Variants in MBNL1 observed in about 807,000 individuals in gnomAD.
The protein encoded by MBNL1 is muscleblind-like protein 1.
MBNL1 carries 8 observed loss-of-function variants against 42.2 expected under a neutral mutation model. That is an observed-to-expected ratio of 0.19 (90% CI 0.11 to 0.34). The LOEUF (loss-of-function observed/expected upper bound fraction) is 0.34, where lower values mean the gene tolerates loss of function less well. Ranked by LOEUF, MBNL1 falls within the 10% of genes least tolerant of loss-of-function variation. The pLI, the probability that MBNL1 is intolerant of heterozygous loss-of-function variation, is 1.00. For synonymous variants in MBNL1, 169 were observed against 173.9 expected, an observed-to-expected ratio of 0.97 and a Z score of 0.22; for missense variants, 309 against 495.3, an observed-to-expected ratio of 0.62 and a Z score of 3.57.
chr3:152,370,967 T>C (rs757294681), intron 2 of MBNL1, among the ~76,000 whole-genome samples: 1 of 152,188 alleles, frequency 6.6e-6, no homozygotes, highest in Non-Finnish European at 1.5e-5. Flanking sequence ...CCAGTCTGTG[T>C]CTTTTAACGG....
At chr3:152,375,920 A>G (rs915400283) in intron 2 of MBNL1, among the ~76,000 whole-genome samples, 3 of 152,182 alleles carry the variant, frequency 2.0e-5, no homozygotes, top group African/African-American at 7.2e-5. Context: ...TAAGAATAAG[A>G]TATATCCTTA....
At chr3:152,455,896 C>G (rs1016080509) in intron 7 of MBNL1, among the ~76,000 whole-genome samples, 1 of 152,082 alleles carries the variant, frequency 6.6e-6, no homozygotes, top group South Asian at 2.1e-4. Flanking sequence ...TACTTTCATT[C>G]AAACAGATAA....
intron 2 of MBNL1, among the ~76,000 whole-genome samples, chr3:152,366,127 A>T (rs2153206994): frequency 6.6e-6 from 1 of 152,276 alleles, no homozygotes; most frequent in African/African-American, 2.4e-5. Flanking sequence ...AAAATCAGAA[A>T]AAAAAGAGTA....
At chr3:152,337,889 A>C (rs1157468131) in intron 2 of MBNL1, among the ~76,000 whole-genome samples, 2 of 152,180 alleles carry the variant, frequency 1.3e-5, no homozygotes, top group African/African-American at 4.8e-5. Flanking sequence ...TCAATTTAAA[A>C]ATCAGTTGTT....
At chr3:152,454,394 G>C (rs926437959) in intron 6 of MBNL1, among the ~76,000 whole-genome samples, 1 of 152,074 alleles carries the variant, frequency 6.6e-6, no homozygotes, top group Non-Finnish European at 1.5e-5. Flanking sequence ...ACAAATGTTC[G>C]TCCCAGATGC....
intron 2 of MBNL1, among the ~76,000 whole-genome samples, chr3:152,255,981 T>A (rs904466369): frequency 1.3e-5 from 2 of 151,652 alleles, no homozygotes; most frequent in Non-Finnish European, 1.5e-5. Context: ...GGAGCTGGAG[T>A]TGAGAAAGGG....
At chr3:152,407,864 C>A (rs1231003877) in intron 2 of MBNL1, among the ~76,000 whole-genome samples, 1 of 152,084 alleles carries the variant, frequency 6.6e-6, no homozygotes, top group Non-Finnish European at 1.5e-5. Flanking sequence ...TTTTCCTCAG[C>A]AAACTAATGT....
chr3:152,300,446 G>C, intron 2 of MBNL1, 79 bp downstream of exon 2: 2 of 1,169,360 alleles, frequency 1.7e-6, no homozygotes, highest in South Asian at 1.4e-5. Context: ...TCTGCATATG[G>C]GATTATGGAT....
At chr3:152,328,214 A>G (rs539557090) in intron 2 of MBNL1, among the ~76,000 whole-genome samples, 49 of 152,204 alleles carry the variant, frequency 3.2e-4, no homozygotes, top group African/African-American at 1.1e-3. Flanking sequence ...AGGCTTGTGA[A>G]CGTTTTATAT....
At chr3:152,382,916 G>A (rs1201294643) in intron 2 of MBNL1, among the ~76,000 whole-genome samples, 1 of 151,990 alleles carries the variant, frequency 6.6e-6, no homozygotes, top group African/African-American at 2.4e-5. Context: ...ATGTCTGCCA[G>A]TCACATCTCT....
chr3:152,449,716 A>G (rs1181118957), intron 6 of MBNL1, among the ~76,000 whole-genome samples: 1 of 152,234 alleles, frequency 6.6e-6, no homozygotes, highest in Non-Finnish European at 1.5e-5. Context: ...TTTAAATAAA[A>G]TCTGCATTAA....
At chr3:152,343,758 C>A (rs1168661219) in intron 2 of MBNL1, among the ~76,000 whole-genome samples, 1 of 151,856 alleles carries the variant, frequency 6.6e-6, no homozygotes, top group African/African-American at 2.4e-5. Flanking sequence ...ATAAAGTATT[C>A]CAAATTGTTT....
At chr3:152,454,270 G>A (rs955211923) in intron 6 of MBNL1, among the ~76,000 whole-genome samples, 2 of 152,140 alleles carry the variant, frequency 1.3e-5, no homozygotes, top group South Asian at 2.1e-4. Context: ...CAAACTAATC[G>A]CAGCTGTTAC....
chr3:152,398,581 C>A (rs920661308), intron 2 of MBNL1, among the ~76,000 whole-genome samples: 6 of 152,048 alleles, frequency 3.9e-5, no homozygotes, highest in Non-Finnish European at 7.4e-5. Flanking sequence ...GGATTATTAT[C>A]TAGAGAATGG....
chr3:152,245,583 A>G (rs1462161187), intron 2 of MBNL1, among the ~76,000 whole-genome samples: 1 of 152,190 alleles, frequency 6.6e-6, no homozygotes, highest in Admixed American at 6.6e-5. Context: ...ATGGCTTCCA[A>G]AAAAGAAAGT....
At chr3:152,351,150 T>A (rs181923601) in intron 2 of MBNL1, among the ~76,000 whole-genome samples, 120 of 152,238 alleles carry the variant, frequency 7.9e-4, no homozygotes, top group African/African-American at 2.8e-3. Flanking sequence ...CAGAAGTGGA[T>A]ATATCCAAAG....
chr3:152,458,054 G>T, intron 8 of MBNL1: 1 of 1,189,408 alleles, frequency 8.4e-7, no homozygotes, highest in Non-Finnish European at 1.3e-6. Flanking sequence ...AATGCAGCCT[G>T]CATGCATGCA....
chr3:152,433,974 C>T (rs1196253327), intron 4 of MBNL1, among the ~76,000 whole-genome samples: 5 of 152,114 alleles, frequency 3.3e-5, no homozygotes, highest in South Asian at 2.1e-4. Flanking sequence ...AAGGTACAAA[C>T]GTGTCATTCA....
intron 2 of MBNL1, among the ~76,000 whole-genome samples, chr3:152,320,418 T>C (rs1164019095): frequency 6.6e-6 from 1 of 152,170 alleles, no homozygotes; most frequent in Non-Finnish European, 1.5e-5. Context: ...ATGTTTTGTA[T>C]GTTATCTTGT....
Sources: allele counts gnomAD v4.1 joint callset (sites outside exome capture counted in the v4.1 genomes callset), GRCh38; gene constraint gnomAD v4.1.1; transcripts MANE v1.5; gene names NCBI Gene and HGNC (gene_info 2026-07-23, HGNC 2026-07-21).